Variants in ASXL1 observed in about 807,000 individuals in gnomAD.
ASXL1 encodes the protein ASXL transcriptional regulator 1, also known as polycomb group protein ASXL1.
A neutral mutation model predicts 89.1 loss-of-function variants in ASXL1; 65 were observed. The observed-to-expected ratio is 0.73, with a 90% CI of 0.60 to 0.90. The LOEUF (loss-of-function observed/expected upper bound fraction) is 0.90, where lower values mean the gene tolerates loss of function less well. Ranked by LOEUF, ASXL1 falls within the 40% of genes least tolerant of loss-of-function variation. The pLI is 0.00. For synonymous variants in ASXL1, 739 were observed against 746.9 expected (o/e 0.99, Z 0.17); for missense variants, 1,786 against 1,942.9 (o/e 0.92, Z 1.52).
At chr20:32,368,032 A>C (rs1017036016) in intron 3 of ASXL1, among the ~76,000 whole-genome samples, 2 of 152,208 alleles carry the variant, frequency 1.3e-5, no homozygotes, top group Non-Finnish European at 2.9e-5. Context: ...AATAAGTAAT[A>C]GTTTTTTAAT....
chr20:32,365,867 G>T lies in ASXL1; in HGVS notation c.58-517G>T, dbSNP rs563912178. Among the ~76,000 whole-genome samples the T allele has an allele frequency of 7.2e-5, 11 of 152,282 alleles. No homozygotes were observed. In the South Asian group the frequency reaches 2.3e-3, roughly 32 times the overall value. On this transcript the variant is annotated intron_variant, in intron 1 of 12. Coordinates refer to ENST00000375687, the MANE Select transcript of ASXL1 (RefSeq NM_015338.6). ...TTTAAAAATATGGGTACTTGGCCAG[G>T]CGTGGTGGCTCACTTCTATAATCCC... is the stretch of plus-strand genomic sequence containing the variant.
intron 4 of ASXL1, among the ~76,000 whole-genome samples, 197 bp downstream of exon 4, chr20:32,369,320 C>G (rs1227597653): frequency 6.6e-6 from 1 of 152,120 alleles, no homozygotes; most frequent in African/African-American, 2.4e-5. Context: ...GAGATCTCGG[C>G]TCACTGCAAT....
chr20:32,391,616 G>A (rs546280055), intron 4 of ASXL1, among the ~76,000 whole-genome samples: 1 of 152,264 alleles, frequency 6.6e-6, no homozygotes, highest in East Asian at 1.9e-4. Flanking sequence ...CAGCCTCCCA[G>A]GTAGCTGAGA....
intron 4 of ASXL1, among the ~76,000 whole-genome samples, chr20:32,398,634 G>T (rs1407314016): frequency 7.1e-6 from 1 of 140,696 alleles, no homozygotes; most frequent in East Asian, 2.1e-4. Flanking sequence ...TTTTGAGACG[G>T]AGTCTTGCTC....
chr20:32,390,709 T>G (rs894662630), intron 4 of ASXL1, among the ~76,000 whole-genome samples: 3 of 152,142 alleles, frequency 2.0e-5, no homozygotes, highest in South Asian at 2.1e-4. Context: ...GTAGTCAGCT[T>G]CTTTTTTCAC....
At position 32,358,850 on chromosome 20, in the gene ASXL1, G is replaced by A; in HGVS notation, c.57+18G>A. The A allele has an allele frequency of 6.6e-7, 1 of 1,504,430 alleles. No individual in the cohort carries two copies. The highest frequency in any genetic ancestry group is 8.9e-7 in the Non-Finnish European group (1 of 1,125,646). 93.2% of individuals were successfully genotyped at this position (1,504,430 alleles called of 1,614,324 possible). A position where few individuals can be genotyped will look rare whatever the true frequency, so the allele number is the denominator to read the frequency against. On this transcript the variant is annotated intron_variant, in intron 1 of 12. Transcript: ENST00000375687. ...CGCGCCTGGTGAGGCGGACAGCCGA[G>A]GGGGGCTCCGTGGGGCCCGGGGTGG...
chr20:32,385,599 CA>C (rs1326713579), intron 4 of ASXL1, among the ~76,000 whole-genome samples: 2 of 152,102 alleles, frequency 1.3e-5, no homozygotes, highest in Non-Finnish European at 2.9e-5. Context: ...TCTGTCCTGA[CA>C]ATTCTACTTC....
In ASXL1 at chr20:32,428,374, G is replaced by A. The variant is rs770632938; in HGVS notation, c.423G>A (p.Gln141=). ...ACGCATCCTGTTCTACAGAATCTCAGAGTCGACCTCTTTCCAATCCCAGGG... is the reference window on the plus strand; with the variant it reads ...ACGCATCCTGTTCTACAGAATCTCAAAGTCGACCTCTTTCCAATCCCAGGG... The part of the protein sequence containing the change: ...SSNASCSTES[Q]SRPLSNPRDS... Residue 141 remains glutamine, a synonymous_variant, in exon 6 of 13, where the codon CAG becomes CAA. Transcript: ENST00000375687. 1 of 1,614,098 alleles carries A rather than the reference G, an allele frequency of 6.2e-7. No homozygotes were observed. The highest frequency in any genetic ancestry group is 1.7e-5 in the Admixed American group (1 of 60,016).
intron 4 of ASXL1, among the ~76,000 whole-genome samples, chr20:32,371,084 C>G (rs1351440865): frequency 6.6e-6 from 1 of 151,210 alleles, no homozygotes; most frequent in African/African-American, 2.4e-5. Context: ...GAGCTGTGAT[C>G]ACACCACTGC....
rs2145381363 is a variant in ASXL1, at chr20:32,436,153, A to T, written c.3441A>T (p.Leu1147=). ...CAAAAGACCAGAGCCATGGCTCGCT[A>T]CGCATGGGATCTTTACATGGTCTTG... The part of the protein sequence containing the change: ...PLTKDQSHGS[L]RMGSLHGLGK... The change falls in exon 13 of 13, where the codon CTA becomes CTT. Residue 1147 remains leucine (L), a synonymous_variant. Transcript: ENST00000375687. 6.2e-7 allele frequency: 1 copy of T among 1,614,208 alleles called. No homozygotes were observed. Among genetic ancestry groups the T allele is most frequent in the Non-Finnish European group, 8.5e-7 (1 of 1,180,036 alleles).
At chr20:32,389,189 T>A (rs868601211) in intron 4 of ASXL1, among the ~76,000 whole-genome samples, 8 of 152,218 alleles carry the variant, frequency 5.3e-5, no homozygotes, top group Admixed American at 6.5e-5. Context: ...TGCTTTAAAA[T>A]ATATTTTTAT....
At chr20:32,390,219 A>T (rs1203800161) in intron 4 of ASXL1, among the ~76,000 whole-genome samples, 1 of 152,234 alleles carries the variant, frequency 6.6e-6, no homozygotes, top group Non-Finnish European at 1.5e-5. Flanking sequence ...TGAATATCTT[A>T]TATAATTTAT....
At chr20:32,381,087 A>G (rs1338821021) in intron 4 of ASXL1, among the ~76,000 whole-genome samples, 1 of 152,218 alleles carries the variant, frequency 6.6e-6, no homozygotes, top group Non-Finnish European at 1.5e-5. Flanking sequence ...TGCATTTGCT[A>G]GCTCATTTAC....
intron 6 of ASXL1, 152 bp downstream of exon 6, chr20:32,428,574 G>T (rs1366970538): frequency 1.4e-6 from 1 of 729,842 alleles, no homozygotes; most frequent in Non-Finnish European, 2.4e-6. Flanking sequence ...ACAGGGGGCC[G>T]CAGGAAAAGT....
chr20:32,363,563 C>G (rs2048157546), intron 1 of ASXL1, among the ~76,000 whole-genome samples: 1 of 152,212 alleles, frequency 6.6e-6, no homozygotes, highest in African/African-American at 2.4e-5. Flanking sequence ...CAGTTGCTGC[C>G]TCTTGTCTAG....
Position 32,437,083 on chromosome 20 carries a change from C to T in ASXL1, c.4371C>T (p.Ser1457=), listed in dbSNP as rs771358218. The part of the protein sequence containing the change: ...LQLSSTSFNY[S]SSSPTFPKGL... Reference sequence around the variant, plus strand: ...TGAGTTCCACCAGCTTTAATTATTCCTCTAGCTCTCCCACCTTTCCCAAAG... The same window carrying T: ...TGAGTTCCACCAGCTTTAATTATTCTTCTAGCTCTCCCACCTTTCCCAAAG... Residue 1457 remains serine (S), a synonymous_variant, in exon 13 of 13, where the codon TCC becomes TCT. Coordinates refer to ENST00000375687, the MANE Select transcript of ASXL1 (RefSeq NM_015338.6). 2.5e-6 allele frequency: 4 copies of T among 1,614,058 alleles called. No homozygotes were observed. The highest frequency in any genetic ancestry group is 3.4e-6 in the Non-Finnish European group (4 of 1,180,032).
chr20:32,411,097 A>ATT lies in ASXL1; in HGVS notation c.253-17018_253-17017dup, dbSNP rs1211781825. ...CTCTGAGAGTTGTTGTCAAGTGGTG[A>ATT]TTTTTTTTTTTTTTAAGTTCCACCA... On this transcript the variant is annotated intron_variant, in intron 4 of 12. Coordinates refer to ENST00000375687, the MANE Select transcript of ASXL1 (RefSeq NM_015338.6). 1.2e-4 allele frequency among the ~76,000 whole-genome samples: 15 copies of ATT among 124,508 alleles called. No individual in the cohort carries two copies. In the East Asian group the frequency reaches 2.4e-3, roughly 20 times the overall value. The allele number at this position is 124,508 out of a possible 152,430, so 81.7% of individuals were successfully genotyped here.
rs1232365882 is a variant in ASXL1 at position 32,358,841 on chromosome 20, G to T, written c.57+9G>T. 18 of 1,483,748 alleles carry T rather than the reference G, an allele frequency of 1.2e-5. No individual in the cohort carries two copies. The highest frequency in any genetic ancestry group is 4.4e-5 in the African/African-American group (3 of 68,072). 91.9% of individuals were successfully genotyped at this position (1,483,748 alleles called of 1,614,324 possible). A position where few individuals can be genotyped will look rare whatever the true frequency, so the allele number is the denominator to read the frequency against. On this transcript the variant is annotated intron_variant, in intron 1 of 12. Transcript: ENST00000375687. ...CCGAGGCCGCGCGCCTGGTGAGGCG[G>T]ACAGCCGAGGGGGGCTCCGTGGGGC...
chr20:32,380,786 C>G (rs1444951016), intron 4 of ASXL1, among the ~76,000 whole-genome samples: 7 of 152,156 alleles, frequency 4.6e-5, no homozygotes, highest in Non-Finnish European at 1.0e-4. Flanking sequence ...GATTTACTTA[C>G]CATTAAATAC....
Sources: gnomAD v4.1 joint callset for allele counts (sites outside exome capture counted in the v4.1 genomes callset) on GRCh38, gnomAD v4.1.1 for gene constraint, MANE v1.5 for transcripts, NCBI Gene and HGNC (gene_info 2026-07-23, HGNC 2026-07-21) for gene names.